ASAP3: variants seen among roughly 807,000 people sequenced by gnomAD.
ASAP3 encodes arf-GAP with SH3 domain, ANK repeat and PH domain-containing protein 3.
A neutral mutation model predicts 118.2 loss-of-function variants in ASAP3; 85 were observed. The observed-to-expected ratio is 0.72, with a 90% confidence interval of 0.60 to 0.86. The LOEUF (loss-of-function observed/expected upper bound fraction) is 0.86. Ranked by LOEUF, ASAP3 falls within the 40% of genes least tolerant of loss-of-function variation. ASAP3 has a pLI of 0.00. For synonymous variants in ASAP3, 432 were observed against 477.4 expected, an observed-to-expected ratio of 0.90 and a Z score of 1.24; for missense variants, 1,026 against 1,175.0, an observed-to-expected ratio of 0.87 and a Z score of 1.85.
chr1:23,449,391 C>T (rs1290654639), intron 5 of ASAP3, among the ~76,000 whole-genome samples: 2 of 152,226 alleles, frequency 1.3e-5, no homozygotes, highest in Non-Finnish European at 2.9e-5. Context: ...TGTACAGGGC[C>T]CGGGATGCCT....
Position 23,443,370 on chromosome 1 carries a change from G to A in ASAP3, c.474-758C>T, listed in dbSNP as rs186582213. The stretch of plus-strand genomic sequence containing the variant: ...CTCACCTATCCTCCCACCTTTTGAA[G>A]TCTCCAATGTCTACTATTCTGCTCT... On this transcript the variant is annotated intron_variant, in intron 5 of 24. Transcript: ENST00000336689. 2.0e-5 allele frequency among the ~76,000 whole-genome samples: 3 copies of A among 152,182 alleles called. No homozygotes were observed. In the East Asian group the frequency reaches 5.8e-4, roughly 29 times the overall value.
chr1:23,439,016 C>A, intron 11 of ASAP3, 145 bp downstream of exon 11: 1 of 1,143,398 alleles, frequency 8.7e-7, no homozygotes, highest in South Asian at 1.4e-5. Flanking sequence ...CTTCAGGTCC[C>A]ATCTGTCCTC....
intron 1 of ASAP3, among the ~76,000 whole-genome samples, chr1:23,476,162 A>G (rs1642121711): frequency 2.0e-5 from 3 of 151,990 alleles, no homozygotes; most frequent in Admixed American, 6.6e-5. Context: ...CCTGGCCAAC[A>G]TGGTGAAACC....
At chr1:23,468,780 C>T (rs920431281) in intron 1 of ASAP3, among the ~76,000 whole-genome samples, 1 of 146,546 alleles carries the variant, frequency 6.8e-6, no homozygotes, top group African/African-American at 2.5e-5. Context: ...GAGGCTGAGG[C>T]GAATCACTTG....
chr1:23,465,051 A>G (rs1024640533), intron 1 of ASAP3, among the ~76,000 whole-genome samples: 2 of 152,224 alleles, frequency 1.3e-5, no homozygotes, highest in Non-Finnish European at 2.9e-5. Flanking sequence ...TAAAATGAAG[A>G]TGATAATATT....
intron 1 of ASAP3, among the ~76,000 whole-genome samples, chr1:23,461,916 C>A (rs1257771963): frequency 6.6e-6 from 1 of 152,116 alleles, no homozygotes; most frequent in African/African-American, 2.4e-5. Context: ...AAAGAGAAAT[C>A]TCTTATTTGA....
intron 5 of ASAP3, 132 bp downstream of exon 5, chr1:23,451,347 C>T: frequency 1.0e-6 from 1 of 979,350 alleles, no homozygotes; most frequent in South Asian, 1.4e-5. Flanking sequence ...TATAAACAAT[C>T]TGCTGTAAAT....
intron 1 of ASAP3, among the ~76,000 whole-genome samples, chr1:23,481,760 A>G: frequency 6.6e-6 from 1 of 152,230 alleles, no homozygotes. Context: ...GCAAGGCCAG[A>G]TGTATGGGCA....
rs1640447252 is a variant in ASAP3, at chr1:23,431,860, G to A, written c.2382C>T (p.Gly794=). 9 of 1,600,846 alleles carry A rather than the reference G, an allele frequency of 5.6e-6. No homozygotes were observed. Among genetic ancestry groups the A allele is most frequent in the Non-Finnish European group, 7.7e-6 (9 of 1,176,116 alleles). Residue 794 remains glycine (G), a synonymous_variant, in exon 23 of 25, where the codon GGC becomes GGT. Coordinates refer to ENST00000336689, the MANE Select transcript of ASAP3 (RefSeq NM_017707.4). The stretch of plus-strand genomic sequence containing the variant: ...TCAGACTGGAGGAGGAGGCTGGACT[G>A]CCCAGGCTCTCAGGGGTCTCAGGGG... ...SEAPETPESL[G]SPASSSSLMS... is the part of the protein sequence containing the mutation.
intron 10 of ASAP3, among the ~76,000 whole-genome samples, chr1:23,440,002 G>A (rs1386435890): frequency 6.6e-6 from 1 of 151,830 alleles, no homozygotes; most frequent in Non-Finnish European, 1.5e-5. Context: ...TTTTAGTAGA[G>A]ATGGGGTTTC....
At position 23,437,378 on chromosome 1, in the gene ASAP3, G is replaced by C. The variant is rs1192752926; in HGVS notation, c.1151+46C>G. ...TCAAGTGGGAAGAGATAGGGCCGCC[G>C]GCCCCCACCCACAAGGCTGGCCGGG... On this transcript the variant is annotated intron_variant, in intron 13 of 24. Coordinates refer to ENST00000336689, the MANE Select transcript of ASAP3 (RefSeq NM_017707.4). The surrounding 1 kb of genome is among the most constrained non-coding windows in gnomAD (Gnocchi z 6.1). 6.2e-7 allele frequency: 1 copy of C among 1,611,256 alleles called. No homozygotes were observed. Among genetic ancestry groups the C allele is most frequent in the Middle Eastern group, 1.7e-4 (1 of 6,048 alleles).
intron 17 of ASAP3, among the ~76,000 whole-genome samples, chr1:23,435,545 G>C (rs1432052829): frequency 6.6e-6 from 1 of 152,150 alleles, no homozygotes; most frequent in African/African-American, 2.4e-5. Context: ...TGTACACTAA[G>C]CCCTTTATAT....
Position 23,431,937 on chromosome 1 carries a change from G to A in ASAP3, c.2324-19C>T. ...GAACGATCTGGAATCAGAAACATCA[G>A]AAATGATAAAGCTTTTCTTTATCAC... On this transcript the variant is annotated intron_variant, in intron 22 of 24. Coordinates refer to ENST00000336689, the MANE Select transcript of ASAP3 (RefSeq NM_017707.4). The A allele has an allele frequency of 6.2e-7, 1 of 1,608,510 alleles. No homozygotes were observed. The highest frequency in any genetic ancestry group is 8.5e-7 in the Non-Finnish European group (1 of 1,176,842).
At position 23,436,473 on chromosome 1, in the gene ASAP3, T is replaced by G; in HGVS notation, c.1571+87A>C. 6.7e-7 allele frequency: 1 copy of G among 1,485,750 alleles called. No homozygotes were observed. Among genetic ancestry groups the G allele is most frequent in the East Asian group, 2.3e-5 (1 of 44,092 alleles). The allele number at this position is 1,485,750 out of a possible 1,614,324, so 92.0% of individuals were successfully genotyped here. A position where few individuals can be genotyped will look rare whatever the true frequency, so the allele number is the denominator to read the frequency against. On this transcript the variant is annotated intron_variant, in intron 16 of 24. Coordinates refer to ENST00000336689, the MANE Select transcript of ASAP3 (RefSeq NM_017707.4). The surrounding 1 kb of genome is among the most constrained non-coding windows in gnomAD (Gnocchi z 4.2). ...CCACTGCGCCCAGCCTCCCCAGACTTCTGATCCAAGACTTTTCTACGACCC... is the reference window on the plus strand; with the variant it reads ...CCACTGCGCCCAGCCTCCCCAGACTGCTGATCCAAGACTTTTCTACGACCC...
chr1:23,457,161 G>A (rs1263309139), intron 1 of ASAP3, among the ~76,000 whole-genome samples: 1 of 152,126 alleles, frequency 6.6e-6, no homozygotes, highest in African/African-American at 2.4e-5. Flanking sequence ...GGCCCTTACC[G>A]AGAGACACAT....
In ASAP3 at chr1:23,464,691, A is replaced by T. The variant is rs1271203740; in HGVS notation, c.130-8497T>A. On this transcript the variant is annotated intron_variant, in intron 1 of 24. Transcript: ENST00000336689. ...AAAAAAAAAAAAAAAAAAAAAAAAA[A>T]AAATCAGCTTCTGGGTTCAGGTGGG... 2.6e-5 allele frequency among the ~76,000 whole-genome samples: 3 copies of T among 114,028 alleles called. No individual in the cohort carries two copies. The South Asian group carries it at 9.1e-4, about 35-fold the overall frequency. The allele number at this position is 114,028 out of a possible 152,430, so 74.8% of individuals were successfully genotyped here. A position where few individuals can be genotyped will look rare whatever the true frequency, so the allele number is the denominator to read the frequency against.
intron 1 of ASAP3, among the ~76,000 whole-genome samples, chr1:23,466,252 T>C (rs919566381): frequency 6.6e-6 from 1 of 152,238 alleles, no homozygotes; most frequent in Admixed American, 6.5e-5. Flanking sequence ...AGTATTCAAA[T>C]ACTTTAGGTG....
At chr1:23,461,152 TC>T (rs1383193643) in intron 1 of ASAP3, among the ~76,000 whole-genome samples, 1 of 152,166 alleles carries the variant, frequency 6.6e-6, no homozygotes, top group Admixed American at 6.5e-5. Context: ...TATACACTTG[TC>T]CAATCCCACA....
chr1:23,458,987 T>C (rs1451821726), intron 1 of ASAP3, among the ~76,000 whole-genome samples: 1 of 151,976 alleles, frequency 6.6e-6, no homozygotes, highest in African/African-American at 2.4e-5. Flanking sequence ...CTGACCAACA[T>C]GGCGAAACAC....
Sources: allele counts gnomAD v4.1 joint callset (sites outside exome capture counted in the v4.1 genomes callset), GRCh38; gene constraint gnomAD v4.1.1; non-coding constraint Gnocchi (gnomAD v3.1); transcripts MANE v1.5; gene names NCBI Gene and HGNC (gene_info 2026-07-23, HGNC 2026-07-21).